Variants in PCDHGA12 observed in about 807,000 individuals in gnomAD.
PCDHGA12 encodes protocadherin gamma subfamily A, 12.
Under a neutral mutation model 61.1 loss-of-function variants are expected in PCDHGA12, and 43 were observed. The ratio of observed to expected loss-of-function variants is 0.70; its 90% confidence interval spans 0.55 to 0.91. The LOEUF (loss-of-function observed/expected upper bound fraction) is 0.91. Among genes scored for constraint, PCDHGA12 ranks in the 40% least tolerant of loss-of-function variants. PCDHGA12 has a pLI of 0.00. For synonymous variants in PCDHGA12, 520 were observed against 542.9 expected (o/e 0.96, Z 0.59); for missense variants, 1,236 against 1,227.7 (o/e 1.01, Z -0.10).
chr5:141,491,884 G>C lies in PCDHGA12; in HGVS notation c.2425-2923G>C, dbSNP rs745931108. 5.0e-5 allele frequency: 73 copies of C among 1,446,372 alleles called. No homozygotes were observed. The highest frequency in any genetic ancestry group is 6.3e-5 in the Non-Finnish European group (69 of 1,094,334). The allele number at this position is 1,446,372 out of a possible 1,614,324, so 89.6% of individuals were successfully genotyped here. A position where few individuals can be genotyped will look rare whatever the true frequency, so the allele number is the denominator to read the frequency against. On this transcript the variant is annotated intron_variant, in intron 1 of 3. Coordinates refer to ENST00000252085, the MANE Select transcript of PCDHGA12 (RefSeq NM_003735.3). The surrounding 1 kb of genome is among the most constrained non-coding windows in gnomAD (Gnocchi z 6.9). The stretch of plus-strand genomic sequence containing the variant: ...AACCAGAGTGGCCGATTAAGGGATG[G>C]GGCTCCGAGCACCGGGGGTGGTGGC...
rs115565444 is a variant in PCDHGA12 at position 141,487,520 on chromosome 5, G to C, written c.2425-7287G>C. 1 of 1,614,166 alleles carries C rather than the reference G, an allele frequency of 6.2e-7. No individual in the cohort carries two copies. Among genetic ancestry groups the C allele is most frequent in the Non-Finnish European group, 8.5e-7 (1 of 1,180,042 alleles). ...CTTGGCTTCTGCACCCACTCGGAGT[G>C]ATAGCTTCATGATGGTGAAGTCACC... On this transcript the variant is annotated intron_variant, in intron 1 of 3. Coordinates refer to ENST00000252085, the MANE Select transcript of PCDHGA12 (RefSeq NM_003735.3). The surrounding 1 kb of genome is among the most constrained non-coding windows in gnomAD (Gnocchi z 5.0).
chr5:141,505,450 G>T lies in PCDHGA12; in HGVS notation c.2541G>T (p.Met847Ile). Residue 847 changes from methionine (M) to isoleucine (I), a missense_variant, in exon 3 of 4, where the codon ATG becomes ATT. By Grantham distance (10) the Met-to-Ile change is conservative (BLOSUM62 1). Coordinates refer to ENST00000252085, the MANE Select transcript of PCDHGA12 (RefSeq NM_003735.3). ...TWPNNQFDTE[M>I]LQAMILASAS... ...CCAACAACCAGTTTGACACAGAGAT[G>T]CTGCAAGCCATGATCTTGGCGTCCG... 6.2e-7 allele frequency: 1 copy of T among 1,614,194 alleles called. No homozygotes were observed. The highest frequency in any genetic ancestry group is 8.5e-7 in the Non-Finnish European group (1 of 1,180,012).
intron 1 of PCDHGA12, among the ~76,000 whole-genome samples, chr5:141,488,118 A>G (rs1054356891): frequency 2.7e-4 from 41 of 152,190 alleles, no homozygotes; most frequent in Non-Finnish European, 2.9e-5. Context: ...AAACATAGAG[A>G]CAGCAGAAAG....
At chr5:141,497,464 TGGA>T (rs769464389) in intron 2 of PCDHGA12, among the ~76,000 whole-genome samples, 3 of 151,764 alleles carry the variant, frequency 2.0e-5, no homozygotes, top group Non-Finnish European at 4.4e-5. Context: ...CTTGGAGATA[TGGA>T]GGAGAAGGTG....
intron 1 of PCDHGA12, among the ~76,000 whole-genome samples, chr5:141,446,536 GC>G (rs1043723006): frequency 2.0e-5 from 3 of 152,012 alleles, no homozygotes; most frequent in African/African-American, 7.2e-5. Context: ...GAGTGCAGTG[GC>G]CCTATCTCTG....
intron 1 of PCDHGA12, among the ~76,000 whole-genome samples, chr5:141,481,223 A>C (rs935737972): frequency 3.3e-5 from 5 of 152,242 alleles, no homozygotes; most frequent in Non-Finnish European, 7.3e-5. Context: ...AAGGTCTCCC[A>C]GCCTTAAAGT....
At chr5:141,464,929 G>A (rs1358204606) in intron 1 of PCDHGA12, among the ~76,000 whole-genome samples, 1 of 151,878 alleles carries the variant, frequency 6.6e-6, no homozygotes, top group Non-Finnish European at 1.5e-5. Flanking sequence ...TTGTAGAGAT[G>A]TGAGGTCTCA....
chr5:141,462,852 T>C (rs1334709435), intron 1 of PCDHGA12, among the ~76,000 whole-genome samples: 1 of 152,202 alleles, frequency 6.6e-6, no homozygotes. Flanking sequence ...TTTTGAGTGT[T>C]TGGATTTTGT....
chr5:141,483,951 TTG>T (rs1298075162), intron 1 of PCDHGA12, among the ~76,000 whole-genome samples: 2 of 147,758 alleles, frequency 1.4e-5, no homozygotes, highest in Non-Finnish European at 3.0e-5. Flanking sequence ...GTGAATTGTG[TTG>T]TGTTTCTGTG....
Position 141,511,030 on chromosome 5 carries a change from C to A in PCDHGA12, c.2656C>A (p.Gln886Lys). 9 of 1,614,224 alleles carry A rather than the reference C, an allele frequency of 5.6e-6. No individual in the cohort carries two copies. Among genetic ancestry groups the A allele is most frequent in the Non-Finnish European group, 7.6e-6 (9 of 1,180,032 alleles). Residue 886 changes from glutamine (Q) to lysine (K), a missense_variant, in exon 4 of 4, where the codon CAG (glutamine) becomes AAG (lysine). Transcript: ENST00000252085. ...SARYGPQFTLQHVPDYRQNVY... is the reference protein window; with the variant it reads ...SARYGPQFTLKHVPDYRQNVY... ...CCGCTACGGACCCCAGTTCACCCTGCAGCACGTGCCCGACTACCGCCAGAA... is the reference window on the plus strand; with the variant it reads ...CCGCTACGGACCCCAGTTCACCCTGAAGCACGTGCCCGACTACCGCCAGAA...
At chr5:141,503,178 T>C (rs988629461) in intron 2 of PCDHGA12, among the ~76,000 whole-genome samples, 56 of 151,998 alleles carry the variant, frequency 3.7e-4, no homozygotes, top group African/African-American at 1.3e-3. Flanking sequence ...TACTCTATTG[T>C]GTAATTATTT....
chr5:141,473,665 T>C (rs1054239218), intron 1 of PCDHGA12, among the ~76,000 whole-genome samples: 1 of 152,142 alleles, frequency 6.6e-6, no homozygotes, highest in Non-Finnish European at 1.5e-5. Context: ...GTGAAGGCCC[T>C]GAGACAGGGA....
intron 1 of PCDHGA12, among the ~76,000 whole-genome samples, chr5:141,455,489 A>T (rs925133619): frequency 3.9e-5 from 6 of 152,152 alleles, no homozygotes; most frequent in African/African-American, 4.8e-5. Context: ...GGTGGAGGTG[A>T]TGTCTGATTT....
intron 1 of PCDHGA12, among the ~76,000 whole-genome samples, chr5:141,481,790 A>C (rs2154579313): frequency 6.6e-6 from 1 of 152,222 alleles, no homozygotes; most frequent in East Asian, 1.9e-4. Flanking sequence ...CGTCTCTACT[A>C]AAAATACAAA....
At chr5:141,470,132 A>G (rs1411735203) in intron 1 of PCDHGA12, among the ~76,000 whole-genome samples, 1 of 151,586 alleles carries the variant, frequency 6.6e-6, no homozygotes, top group East Asian at 1.9e-4. Context: ...TCGTCTCAAA[A>G]AAAAAGATCA....
chr5:141,442,052 G>T (rs2098295034), intron 1 of PCDHGA12: 1 of 197,576 alleles, frequency 5.1e-6, no homozygotes, highest in South Asian at 6.6e-5. Flanking sequence ...TACTGGTCGC[G>T]GTGCACTGCG....
At chr5:141,465,775 T>TA (rs2099108994) in intron 1 of PCDHGA12, among the ~76,000 whole-genome samples, 1 of 152,030 alleles carries the variant, frequency 6.6e-6, no homozygotes, top group African/African-American at 2.4e-5. Context: ...CATCTCTTGT[T>TA]ACAGTTTTTT....
At chr5:141,444,152 A>ATTTTTTTTTTTT (rs747671382) in intron 1 of PCDHGA12, among the ~76,000 whole-genome samples, 4 of 33,898 alleles carry the variant, frequency 1.2e-4, no homozygotes, top group Admixed American at 3.9e-4. Flanking sequence ...TGTGTACTGG[A>ATTTTTTTTTTTT]TTTTTTTTTT....
rs1246027327 is a variant in PCDHGA12, at chr5:141,491,976, C to A, written c.2425-2831C>A. On this transcript the variant is annotated intron_variant, in intron 1 of 3. Transcript: ENST00000252085. This position sits in a 1 kb window ranked among gnomAD's most constrained non-coding sequence, Gnocchi z 6.9. ...ACTCAAAAAAGGCCGGGGCCTCCTT[C>A]GAGCTTCCGGTGAATTTCGGGCGAT... 3 of 800,708 alleles carry A rather than the reference C, an allele frequency of 3.7e-6. No individual in the cohort carries two copies. The Admixed American group carries it at 1.1e-4, about 30-fold the overall frequency. 49.6% of individuals were successfully genotyped at this position (800,708 alleles called of 1,614,324 possible).
Sources: gnomAD v4.1 joint callset for allele counts (sites outside exome capture counted in the v4.1 genomes callset) on GRCh38, gnomAD v4.1.1 for gene constraint, Gnocchi (gnomAD v3.1) non-coding constraint, MANE v1.5 for transcripts, NCBI Gene and HGNC (gene_info 2026-07-23, HGNC 2026-07-21) for gene names.